MACF1: variants seen among roughly 807,000 people sequenced by gnomAD.
The protein encoded by MACF1 is microtubule-actin cross-linking factor 1.
In MACF1, 193 loss-of-function variants were observed where a neutral mutation model predicts 854.8. That is an observed-to-expected ratio of 0.23 (90% CI 0.20 to 0.25). The LOEUF is 0.25. Among genes scored for constraint, MACF1 ranks in the 10% least tolerant of loss-of-function variants. The pLI is 1.00. For synonymous variants in MACF1, 3,185 were observed against 3,226.7 expected, an observed-to-expected ratio of 0.99 and a Z score of 0.44; for missense variants, 7,722 against 8,929.1, an observed-to-expected ratio of 0.86 and a Z score of 5.45.
chr1:39,300,084 C>T, intron 21 of MACF1, 126 bp from the exon 22 acceptor site: 1 of 936,022 alleles, frequency 1.1e-6, no homozygotes, highest in Non-Finnish European at 1.6e-6. Context: ...GATGGCTCCA[C>T]CAACCATCCC....
chr1:39,211,795 C>T (rs936533919), intron 1 of MACF1, among the ~76,000 whole-genome samples: 5 of 152,000 alleles, frequency 3.3e-5, no homozygotes, highest in African/African-American at 9.7e-5. Flanking sequence ...GCAGGAGAAT[C>T]GCTTGAACCC....
At chr1:39,298,097 G>A (rs1645962133) in intron 21 of MACF1, among the ~76,000 whole-genome samples, 1 of 151,304 alleles carries the variant, frequency 6.6e-6, no homozygotes, top group Admixed American at 6.6e-5. Flanking sequence ...GGTTGAAGGG[G>A]ATTAGTTGAT....
chr1:39,247,421 T>C (rs191020562), intron 2 of MACF1, among the ~76,000 whole-genome samples: 18 of 152,302 alleles, frequency 1.2e-4, no homozygotes, highest in African/African-American at 4.3e-4. Flanking sequence ...AAATAAATTA[T>C]ATTTAAAGTA....
chr1:39,428,890 T>G (rs2148647863), intron 63 of MACF1, among the ~76,000 whole-genome samples: 1 of 152,338 alleles, frequency 6.6e-6, no homozygotes, highest in Admixed American at 6.5e-5. Context: ...TCTTACTGAA[T>G]TTCTTCTCTT....
rs1644110657 is a variant in MACF1 at position 39,441,271 on chromosome 1, A to G, written c.18618A>G (p.Leu6206=). 1.4e-5 allele frequency: 22 copies of G among 1,614,182 alleles called. No homozygotes were observed. The highest frequency in any genetic ancestry group is 1.9e-5 in the Non-Finnish European group (22 of 1,180,002). Residue 6206 remains leucine, a synonymous_variant, in exon 74 of 101, where the codon CTA becomes CTG. Coordinates refer to ENST00000564288, the MANE Select transcript of MACF1 (RefSeq NM_001394062.1). ...TAAACAAAACATGGAAAGAGAGGCTAGAAAAACTTGAGGATGCTATGCAAG... is the reference window on the plus strand; with the variant it reads ...TAAACAAAACATGGAAAGAGAGGCTGGAAAAACTTGAGGATGCTATGCAAG... ...ENLNKTWKER[L]EKLEDAMQAA...
At position 39,444,708 on chromosome 1, in the gene MACF1, T is replaced by A; in HGVS notation, c.19478T>A (p.Leu6493Gln). The A allele has an allele frequency of 6.2e-7, 1 of 1,614,084 alleles. No individual in the cohort carries two copies. The highest frequency in any genetic ancestry group is 8.5e-7 in the Non-Finnish European group (1 of 1,179,942). Residue 6493 changes from leucine to glutamine, a missense_variant, in exon 80 of 101, where the codon CTA becomes CAA. Transcript: ENST00000564288. The part of the protein sequence containing the change: ...LKAKEETYNQ[L>Q]LDKGRLMLLS... Reference sequence around the variant, plus strand: ...GCCAAGGAAGAGACTTATAATCAACTACTTGACAAGGGCAGACTCATGCTT... The same window carrying A: ...GCCAAGGAAGAGACTTATAATCAACAACTTGACAAGGGCAGACTCATGCTT...
chr1:39,362,153 T>C (rs1648243316), intron 49 of MACF1, among the ~76,000 whole-genome samples: 1 of 152,234 alleles, frequency 6.6e-6, no homozygotes, highest in Non-Finnish European at 1.5e-5. Flanking sequence ...CTACCACAGA[T>C]ATATATCCAG....
intron 2 of MACF1, among the ~76,000 whole-genome samples, chr1:39,161,740 G>A (rs1334543308): frequency 2.0e-5 from 3 of 151,886 alleles, no homozygotes; most frequent in Non-Finnish European, 4.4e-5. Flanking sequence ...GGTGGCGGGC[G>A]CCTGTAGTCC....
At position 39,285,659 on chromosome 1, in the gene MACF1, T is replaced by A. The variant is rs772453002; in HGVS notation, c.1409T>A (p.Met470Lys). The A allele has an allele frequency of 6.2e-7, 1 of 1,614,132 alleles. No individual in the cohort carries two copies. Among genetic ancestry groups the A allele is most frequent in the East Asian group, 2.2e-5 (1 of 44,870 alleles). ...GTACAATGTGAGTCAGATGTCATTA[T>A]GTACATTCAGGAGTGTGAAGGTCTC... ...QPVQCESDVIMYIQECEGLIR... is the reference protein window; with the variant it reads ...QPVQCESDVIKYIQECEGLIR... The change falls in exon 14 of 101, where the codon ATG becomes AAG. Residue 470 changes from methionine to lysine, a missense_variant. This residue lies in a region of MACF1 where 1,137 missense variants were observed against 1,263.0 expected (regional missense o/e 0.90). Coordinates refer to ENST00000564288, the MANE Select transcript of MACF1 (RefSeq NM_001394062.1).
intron 2 of MACF1, among the ~76,000 whole-genome samples, chr1:39,190,240 A>G (rs539270210): frequency 6.6e-6 from 1 of 151,916 alleles, no homozygotes; most frequent in South Asian, 2.1e-4. Context: ...TGCCATAGGT[A>G]ATTTCTTTTC....
In MACF1 at chr1:39,303,070, G is replaced by A; in HGVS notation, c.2781G>A (p.Met927Ile). The change falls in exon 23 of 101, where the codon ATG becomes ATA. Residue 927 changes from methionine to isoleucine, a missense_variant. By Grantham distance (10) the Met-to-Ile change is conservative (BLOSUM62 1). This residue lies in a region of MACF1 where 1,137 missense variants were observed against 1,263.0 expected (regional missense o/e 0.90). Coordinates refer to ENST00000564288, the MANE Select transcript of MACF1 (RefSeq NM_001394062.1). ...IPPPNKDAIEMASRVEQSYQK... is the reference protein window; with the variant it reads ...IPPPNKDAIEIASRVEQSYQK... ...CACCCAATAAGGATGCCATTGAGAT[G>A]GCCAGCAGGTAACTTGGCTCAGCTG... is the stretch of plus-strand genomic sequence containing the variant. 2 of 1,613,720 alleles carry A rather than the reference G, an allele frequency of 1.2e-6. No homozygotes were observed. The highest frequency in any genetic ancestry group is 1.7e-6 in the Non-Finnish European group (2 of 1,179,736).
chr1:39,169,386 AG>A (rs1173745264), intron 2 of MACF1, among the ~76,000 whole-genome samples: 1 of 152,218 alleles, frequency 6.6e-6, no homozygotes, highest in Admixed American at 6.5e-5. Context: ...GCTTGAGGTC[AG>A]GAGTCTGAGA....
At chr1:39,314,315 A>G (rs1439694587) in intron 26 of MACF1, among the ~76,000 whole-genome samples, 1 of 152,132 alleles carries the variant, frequency 6.6e-6, no homozygotes, top group Non-Finnish European at 1.5e-5. Context: ...AGGCTGAAGC[A>G]GGAGAATCAT....
intron 23 of MACF1, among the ~76,000 whole-genome samples, chr1:39,304,055 A>G (rs1468141385): frequency 6.7e-6 from 1 of 149,632 alleles, no homozygotes; most frequent in Non-Finnish European, 1.5e-5. Flanking sequence ...GTTCTAGGGC[A>G]CATGTGCACA....
intron 20 of MACF1, among the ~76,000 whole-genome samples, 179 bp from the exon 21 acceptor site, chr1:39,297,441 G>A (rs1645947694): frequency 6.6e-6 from 1 of 152,190 alleles, no homozygotes; most frequent in African/African-American, 2.4e-5. Flanking sequence ...ATATTTTGCT[G>A]CATGGCTTTT....
At chr1:39,451,243 C>T (rs906690397) in intron 85 of MACF1, 32 bp downstream of exon 85, 12 of 1,601,942 alleles carry the variant, frequency 7.5e-6, no homozygotes, top group Non-Finnish European at 1.0e-5. Flanking sequence ...CATTGGAGTG[C>T]AGTGGGTCTT....
intron 2 of MACF1, 96 bp from the exon 3 acceptor site, chr1:39,249,918 T>C: frequency 1.6e-6 from 1 of 639,220 alleles, no homozygotes; most frequent in Non-Finnish European, 2.7e-6. Context: ...TTTTAAATTC[T>C]TTAATTTGTG....
intron 2 of MACF1, among the ~76,000 whole-genome samples, chr1:39,102,436 G>C (rs943218786): frequency 4.9e-4 from 42 of 85,012 alleles, no homozygotes; most frequent in Non-Finnish European, 8.8e-4. Flanking sequence ...ATTGGAGGCG[G>C]GGGGGGGGTC....
chr1:39,285,255 G>T (rs761477297), intron 12 of MACF1, 42 bp from the exon 13 acceptor site: 1 of 1,614,182 alleles, frequency 6.2e-7, no homozygotes, highest in Non-Finnish European at 8.5e-7. Context: ...TTATTGAGCT[G>T]CTGTGAACCT....
Sources: gnomAD v4.1 joint callset for allele counts (sites outside exome capture counted in the v4.1 genomes callset) on GRCh38, gnomAD v4.1.1 for gene constraint, gnomAD v4.1.1 regional missense constraint, MANE v1.5 for transcripts, NCBI Gene and HGNC (gene_info 2026-07-23, HGNC 2026-07-21) for gene names.